AVL9: variants seen among roughly 807,000 people sequenced by gnomAD.
AVL9 encodes the protein late secretory pathway protein AVL9 homolog.
A neutral mutation model predicts 79.2 loss-of-function variants in AVL9; 49 were observed. The observed-to-expected ratio is 0.62, with a 90% CI of 0.49 to 0.79. The LOEUF (loss-of-function observed/expected upper bound fraction) is 0.79, where lower values mean the gene tolerates loss of function less well. Ranked by LOEUF, AVL9 falls within the 30% of genes least tolerant of loss-of-function variation. The probability of loss-of-function intolerance (pLI) is 0.00; values close to 1 mark genes in which losing one functional copy is unlikely to be tolerated. For synonymous variants in AVL9, 299 were observed against 280.6 expected (o/e 1.07, Z -0.65); for missense variants, 682 against 776.8 (o/e 0.88, Z 1.45).
At chr7:32,519,385 G>A (rs554139978) in intron 1 of AVL9, among the ~76,000 whole-genome samples, 33 of 150,406 alleles carry the variant, frequency 2.2e-4, no homozygotes, top group Non-Finnish European at 3.1e-4. Context: ...CTGACACTGC[G>A]CCACTGCACT....
At position 32,549,790 on chromosome 7, in the gene AVL9, C is replaced by T. The variant is rs184625652; in HGVS notation, c.372+872C>T. On this transcript the variant is annotated intron_variant, in intron 4 of 15. Transcript: ENST00000318709. ...AAAAAATTAGCCAGGCACGGTGGTG[C>T]ACCCCTCTAATCCCAGCTATTCAGG... Among the ~76,000 whole-genome samples the T allele has an allele frequency of 7.0e-3, 1,057 of 151,444 alleles. 13 individuals are homozygous for T. Among genetic ancestry groups the T allele is most frequent in the African/African-American group, 0.024 (989 of 41,278 alleles).
chr7:32,515,338 T>C (rs939985497), intron 1 of AVL9, among the ~76,000 whole-genome samples: 1 of 152,240 alleles, frequency 6.6e-6, no homozygotes, highest in Non-Finnish European at 1.5e-5. Flanking sequence ...TGATATTTAG[T>C]ACCAGCTTTT....
intron 12 of AVL9, among the ~76,000 whole-genome samples, chr7:32,573,983 T>G: frequency 6.6e-6 from 1 of 152,206 alleles, no homozygotes; most frequent in East Asian, 1.9e-4. Flanking sequence ...ACTATCTCAT[T>G]CTCCTTGGGA....
chr7:32,536,000 T>C (rs1788888859), intron 1 of AVL9: 2 of 152,236 alleles, frequency 1.3e-5, no homozygotes, highest in Admixed American at 1.3e-4. Context: ...CCTTCCGCCA[T>C]GATTATAAGT....
intron 13 of AVL9, among the ~76,000 whole-genome samples, chr7:32,576,417 T>C (rs550229421): frequency 1.3e-5 from 2 of 152,306 alleles, no homozygotes; most frequent in Admixed American, 6.5e-5. Context: ...GATAGAATCC[T>C]AGAAGGAAAT....
intron 3 of AVL9, among the ~76,000 whole-genome samples, chr7:32,548,144 C>CTCTTTTTTTT (rs1227025763): frequency 1.7e-4 from 10 of 57,586 alleles, no homozygotes; most frequent in African/African-American, 4.9e-4. Flanking sequence ...TTTGTCATCT[C>CTCTTTTTTTT]TTTTTTCTTT....
At chr7:32,569,727 A>G (rs1240928422) in intron 10 of AVL9, among the ~76,000 whole-genome samples, 3 of 152,252 alleles carry the variant, frequency 2.0e-5, no homozygotes, top group Non-Finnish European at 2.9e-5. Flanking sequence ...GTTACTGTGG[A>G]GACTTTTAAA....
intron 1 of AVL9, among the ~76,000 whole-genome samples, chr7:32,507,484 T>G (rs1787459962): frequency 6.6e-6 from 1 of 152,220 alleles, no homozygotes; most frequent in Non-Finnish European, 1.5e-5. Flanking sequence ...CTTCACTTTA[T>G]GGAAATATAA....
chr7:32,576,192 G>A, intron 13 of AVL9, 120 bp downstream of exon 13: 1 of 663,546 alleles, frequency 1.5e-6, no homozygotes, highest in South Asian at 2.1e-5. Context: ...CCTTAAGTAG[G>A]TCATAAAAAG....
chr7:32,500,934 G>A (rs1361454200), intron 1 of AVL9, among the ~76,000 whole-genome samples: 1 of 152,132 alleles, frequency 6.6e-6, no homozygotes, highest in Non-Finnish European at 1.5e-5. Flanking sequence ...GGTGTTATTT[G>A]TGAGACCTCT....
At chr7:32,528,005 A>G (rs1788478913) in intron 1 of AVL9, among the ~76,000 whole-genome samples, 1 of 152,184 alleles carries the variant, frequency 6.6e-6, no homozygotes, top group Non-Finnish European at 1.5e-5. Context: ...ACAAACATTT[A>G]CAATCTATTC....
chr7:32,540,740 C>T (rs922818153), intron 1 of AVL9, among the ~76,000 whole-genome samples: 1 of 152,068 alleles, frequency 6.6e-6, no homozygotes, highest in Admixed American at 6.6e-5. Context: ...ACCGTACATT[C>T]CTACAGCCGG....
intron 1 of AVL9, among the ~76,000 whole-genome samples, chr7:32,503,365 T>TACACACACACACACACACAC (rs796351504): frequency 4.5e-4 from 46 of 103,104 alleles, no homozygotes; most frequent in Non-Finnish European, 7.0e-4. Context: ...TAGAGAGATA[T>TACACACACACACACACACAC]ATATATATAC....
chr7:32,573,224 A>G lies in AVL9; in HGVS notation c.1376A>G (p.His459Arg), dbSNP rs766586928. ...GTAGAAGAAGCTCTGATCCAGATCCATGATCCAGAACTCAGGAAGCTGCTT... is the reference window on the plus strand; with the variant it reads ...GTAGAAGAAGCTCTGATCCAGATCCGTGATCCAGAACTCAGGAAGCTGCTT... ...VEVEEALIQI[H>R]DPELRKLLNP... The change falls in exon 12 of 16, where the codon CAT becomes CGT. Residue 459 changes from histidine (H) to arginine (R), a missense_variant. By Grantham distance (29) the His-to-Arg change is conservative (BLOSUM62 0). Transcript: ENST00000318709. 5.0e-6 allele frequency: 8 copies of G among 1,613,958 alleles called. No homozygotes were observed. In the Admixed American group the frequency reaches 1.0e-4, roughly 20 times the overall value.
chr7:32,503,373 T>TAGAGAGATATACACACACAC (rs1554332720), intron 1 of AVL9, among the ~76,000 whole-genome samples: 2 of 105,798 alleles, frequency 1.9e-5, no homozygotes, highest in Non-Finnish European at 3.7e-5. Context: ...TATATATATA[T>TAGAGAGATATACACACACAC]ACACACACAC....
chr7:32,564,415 C>T (rs1583583103), intron 10 of AVL9, among the ~76,000 whole-genome samples: 1 of 152,086 alleles, frequency 6.6e-6, no homozygotes, highest in Non-Finnish European at 1.5e-5. Context: ...TCTTGAAGAT[C>T]TTAAAATCCT....
chr7:32,584,332 C>T lies in AVL9; in HGVS notation c.*425C>T, dbSNP rs949150250. 2.8e-5 allele frequency: 5 copies of T among 176,740 alleles called. No homozygotes were observed. The highest frequency in any genetic ancestry group is 1.3e-4 in the South Asian group (1 of 7,698). 10.9% of individuals were successfully genotyped at this position (176,740 alleles called of 1,614,324 possible). A position where few individuals can be genotyped will look rare whatever the true frequency, so the allele number is the denominator to read the frequency against. On this transcript the variant is annotated 3_prime_UTR_variant, in exon 16 of 16. Transcript: ENST00000318709. ...ATTTTCTCTAAAGTTGGCCTTAAAACGTGCTTATAAAGTGAAGGGGTCATA... is the reference window on the plus strand; with the variant it reads ...ATTTTCTCTAAAGTTGGCCTTAAAATGTGCTTATAAAGTGAAGGGGTCATA...
intron 15 of AVL9, among the ~76,000 whole-genome samples, chr7:32,581,979 T>A (rs1484696379): frequency 6.6e-6 from 1 of 152,232 alleles, no homozygotes; most frequent in Admixed American, 6.5e-5. Flanking sequence ...CCCAACTCAT[T>A]GGATGAGGCC....
chr7:32,497,125 G>T (rs1331780114), intron 1 of AVL9, among the ~76,000 whole-genome samples: 1 of 151,992 alleles, frequency 6.6e-6, no homozygotes, highest in Non-Finnish European at 1.5e-5. Flanking sequence ...GGAGGCCGAG[G>T]CGGGTGGATC....
Sources: allele counts gnomAD v4.1 joint callset (sites outside exome capture counted in the v4.1 genomes callset), GRCh38; gene constraint gnomAD v4.1.1; transcripts MANE v1.5; gene names NCBI Gene and HGNC (gene_info 2026-07-23, HGNC 2026-07-21).